The following USO1 variants were observed in gnomAD, a reference collection of about 807,000 sequenced individuals.
USO1 encodes the protein USO1 vesicle transport factor, also known as general vesicular transport factor p115.
A neutral mutation model predicts 124.5 loss-of-function variants in USO1; 57 were observed. The observed-to-expected ratio is 0.46, with a 90% CI of 0.37 to 0.57. The LOEUF (loss-of-function observed/expected upper bound fraction) is 0.57. USO1 is among the 20% of genes least tolerant of loss of function. The pLI is 0.00. For synonymous variants in USO1, 369 were observed against 362.8 expected (o/e 1.02, Z -0.19); for missense variants, 900 against 1,040.6 (o/e 0.86, Z 1.86).
rs71208096 is a variant in USO1, at chr4:75,748,211, C to CTTTT, written c.67-4147_67-4144dup. ...GAGCCATCGTGCCCAGCTGGTATTT[C>CTTTT]TTTTTTTTTTTTTTTTTTACAGGCT... On this transcript the variant is annotated intron_variant, in intron 1 of 23. Coordinates refer to ENST00000514213, the MANE Select transcript of USO1 (RefSeq NM_003715.4). 5.6e-5 allele frequency among the ~76,000 whole-genome samples: 7 copies of CTTTT among 124,146 alleles called. 1 individual carries two copies. The highest frequency in any genetic ancestry group is 9.8e-5 in the Non-Finnish European group (6 of 61,296). The allele number at this position is 124,146 out of a possible 152,430, so 81.4% of individuals were successfully genotyped here. A position where few individuals can be genotyped will look rare whatever the true frequency, so the allele number is the denominator to read the frequency against.
At chr4:75,811,775 A>T (rs1048062674) in intron 22 of USO1, among the ~76,000 whole-genome samples, 9 of 151,800 alleles carry the variant, frequency 5.9e-5, no homozygotes, top group South Asian at 2.1e-4. Context: ...GGGATAAAAA[A>T]TTTTTTTTTA....
chr4:75,732,269 C>T (rs1355777038), intron 1 of USO1, among the ~76,000 whole-genome samples: 1 of 152,082 alleles, frequency 6.6e-6, no homozygotes, highest in Non-Finnish European at 1.5e-5. Flanking sequence ...ATTTGGTTTT[C>T]TGTTCCTATA....
intron 8 of USO1, among the ~76,000 whole-genome samples, chr4:75,779,858 G>A (rs1002231095): frequency 1.3e-5 from 2 of 152,170 alleles, no homozygotes; most frequent in Non-Finnish European, 2.9e-5. Flanking sequence ...CCTTCTATTG[G>A]AAGAAGATGC....
chr4:75,767,089 T>C lies in USO1; in HGVS notation c.296-3350T>C, dbSNP rs115088130. 7.5e-3 allele frequency among the ~76,000 whole-genome samples: 1,139 copies of C among 152,320 alleles called. 22 individuals carry two copies. Among genetic ancestry groups the C allele is most frequent in the African/African-American group, 0.026 (1,096 of 41,566 alleles). Reference sequence around the variant, plus strand: ...GTCTCCTGGCTTTCTTCCTTTTTCATTGGTTACTCTTTGTCTCCTTCGCAG... The same window carrying C: ...GTCTCCTGGCTTTCTTCCTTTTTCACTGGTTACTCTTTGTCTCCTTCGCAG... On this transcript the variant is annotated intron_variant, in intron 4 of 23. Coordinates refer to ENST00000514213, the MANE Select transcript of USO1 (RefSeq NM_003715.4).
chr4:75,756,678 GTAT>G (rs1388286653), intron 3 of USO1, among the ~76,000 whole-genome samples: 1 of 151,588 alleles, frequency 6.6e-6, no homozygotes, highest in African/African-American at 2.4e-5. Flanking sequence ...GGCTAATTTT[GTAT>G]TTTTAATAGA....
intron 14 of USO1, 85 bp from the exon 15 acceptor site, chr4:75,800,266 A>C: frequency 7.0e-7 from 1 of 1,428,530 alleles, no homozygotes; most frequent in Non-Finnish European, 9.4e-7. Context: ...GGGAACTCTT[A>C]TGTGAAGTAT....
chr4:75,724,739 G>C lies in USO1; in HGVS notation c.-81G>C. On this transcript the variant is annotated 5_prime_UTR_variant, in exon 1 of 24. Transcript: ENST00000514213. ...GGAGTGTGTAGAGTGCGGGATTGGG[G>C]CCCAGGCCCTGCGGAGGGCGGGGGA... The C allele has an allele frequency of 1.4e-6, 2 of 1,460,616 alleles. No homozygotes were observed. The highest frequency in any genetic ancestry group is 1.2e-5 in the South Asian group (1 of 82,854). The allele number at this position is 1,460,616 out of a possible 1,614,324, so 90.5% of individuals were successfully genotyped here.
chr4:75,740,549 A>T (rs1720930744), intron 1 of USO1, among the ~76,000 whole-genome samples: 1 of 152,208 alleles, frequency 6.6e-6, no homozygotes, highest in Non-Finnish European at 1.5e-5. Flanking sequence ...GGCCTCCCAG[A>T]ACTCTGAGAT....
At chr4:75,744,612 G>GT in intron 1 of USO1, among the ~76,000 whole-genome samples, 1 of 152,118 alleles carries the variant, frequency 6.6e-6, no homozygotes, top group East Asian at 1.9e-4. Context: ...TAGAGACAAG[G>GT]TTTCACCATT....
intron 16 of USO1, 25 bp downstream of exon 16, chr4:75,800,824 AT>A: frequency 6.3e-7 from 1 of 1,597,882 alleles, no homozygotes; most frequent in Non-Finnish European, 8.5e-7. Flanking sequence ...TTATATTGAT[AT>A]TTGATGGAAA....
At chr4:75,798,751 C>T (rs967822035) in intron 13 of USO1, among the ~76,000 whole-genome samples, 7 of 151,870 alleles carry the variant, frequency 4.6e-5, no homozygotes, top group Non-Finnish European at 7.4e-5. Context: ...AATTATATTT[C>T]GGACATTTTA....
chr4:75,806,733 T>A (rs1451509708), intron 20 of USO1, among the ~76,000 whole-genome samples, 161 bp downstream of exon 20: 1 of 152,234 alleles, frequency 6.6e-6, no homozygotes, highest in African/African-American at 2.4e-5. Context: ...ATTTATATGG[T>A]AATAGTACTT....
At chr4:75,785,496 G>T (rs1476995673) in intron 9 of USO1, among the ~76,000 whole-genome samples, 2 of 151,804 alleles carry the variant, frequency 1.3e-5, no homozygotes, top group African/African-American at 4.8e-5. Flanking sequence ...TTCATTCTAG[G>T]GTAGTTTTAA....
At chr4:75,795,914 TTTTTGTTTTG>T (rs36105117) in intron 13 of USO1, among the ~76,000 whole-genome samples, 47 of 150,224 alleles carry the variant, frequency 3.1e-4, no homozygotes, top group Non-Finnish European at 3.8e-4. Context: ...GAAAGTGCTA[TTTTTGTTTTG>T]TTTTGTTTTG....
chr4:75,731,478 C>G (rs1408731147), intron 1 of USO1, among the ~76,000 whole-genome samples: 1 of 151,628 alleles, frequency 6.6e-6, no homozygotes, highest in Non-Finnish European at 1.5e-5. Flanking sequence ...AGGAGAATCA[C>G]TTGAACCCAC....
chr4:75,737,916 C>T (rs891880183), intron 1 of USO1, among the ~76,000 whole-genome samples: 4 of 151,850 alleles, frequency 2.6e-5, no homozygotes, highest in Admixed American at 6.6e-5. Context: ...CAACCTCCAC[C>T]TCCCAGGTTC....
At position 75,793,687 on chromosome 4, in the gene USO1, T is replaced by C. The variant is rs377501376; in HGVS notation, c.1241-3T>C. The C allele has an allele frequency of 1.3e-4, 209 of 1,601,252 alleles. No individual in the cohort carries two copies. The highest frequency in any genetic ancestry group is 1.7e-4 in the Non-Finnish European group (199 of 1,172,870). ...TTTTATTGTCTGCCTGCCATCTTTG[T>C]AGCAACAGGTAATTCAGTTTCAGCT... On this transcript the variant is annotated splice_polypyrimidine_tract_variant and splice_region_variant and intron_variant, in intron 12 of 23. Coordinates refer to ENST00000514213, the MANE Select transcript of USO1 (RefSeq NM_003715.4).
At chr4:75,784,732 A>G (rs1204991629) in intron 9 of USO1, among the ~76,000 whole-genome samples, 1 of 151,950 alleles carries the variant, frequency 6.6e-6, no homozygotes, top group Non-Finnish European at 1.5e-5. Flanking sequence ...TTGAGGCTGC[A>G]TTGAACCATA....
intron 1 of USO1, among the ~76,000 whole-genome samples, chr4:75,742,958 C>T (rs1333015329): frequency 2.0e-5 from 3 of 151,994 alleles, no homozygotes; most frequent in Non-Finnish European, 2.9e-5. Flanking sequence ...GCTTCAGGAT[C>T]CCATCTGGGA....
Sources: gnomAD v4.1 joint callset for allele counts (sites outside exome capture counted in the v4.1 genomes callset) on GRCh38, gnomAD v4.1.1 for gene constraint, MANE v1.5 for transcripts, NCBI Gene and HGNC (gene_info 2026-07-23, HGNC 2026-07-21) for gene names.